ANKS1B: variants seen among roughly 807,000 people sequenced by gnomAD.
The protein encoded by ANKS1B is ankyrin repeat and sterile alpha motif domain-containing protein 1B.
In ANKS1B, 36 loss-of-function variants were observed where a neutral mutation model predicts 148.3. The observed-to-expected ratio is 0.24, with a 90% CI of 0.19 to 0.32. The LOEUF (loss-of-function observed/expected upper bound fraction) is 0.32. ANKS1B is among the 10% of genes least tolerant of loss of function. The pLI, the probability that ANKS1B is intolerant of heterozygous loss-of-function variation, is 1.00. For synonymous variants in ANKS1B, 542 were observed against 560.8 expected, an observed-to-expected ratio of 0.97 and a Z score of 0.47; for missense variants, 1,157 against 1,542.6, an observed-to-expected ratio of 0.75 and a Z score of 4.19.
chr12:99,872,571 A>C (rs536986096), intron 1 of ANKS1B, among the ~76,000 whole-genome samples: 4 of 152,182 alleles, frequency 2.6e-5, no homozygotes, highest in Non-Finnish European at 4.4e-5. Context: ...AACAACAAAA[A>C]CCTGATGTTT....
intron 15 of ANKS1B, among the ~76,000 whole-genome samples, chr12:99,130,450 T>A (rs2153748552): frequency 6.6e-6 from 1 of 152,318 alleles, no homozygotes; most frequent in Non-Finnish European, 1.5e-5. Flanking sequence ...TCAGCCATCC[T>A]TAATTCCTCC....
chr12:99,122,045 C>T (rs2063036139), intron 15 of ANKS1B, among the ~76,000 whole-genome samples: 1 of 152,164 alleles, frequency 6.6e-6, no homozygotes, highest in East Asian at 1.9e-4. Context: ...AGTGGAAATA[C>T]ACTATTTGGA....
At chr12:99,469,400 C>T (rs547945018) in intron 10 of ANKS1B, among the ~76,000 whole-genome samples, 2 of 151,872 alleles carry the variant, frequency 1.3e-5, no homozygotes, top group African/African-American at 4.8e-5. Flanking sequence ...TGTAACTAAT[C>T]TGCACATTGT....
chr12:98,822,508 C>T (rs1385608253), intron 19 of ANKS1B, among the ~76,000 whole-genome samples: 1 of 152,218 alleles, frequency 6.6e-6, no homozygotes, highest in Non-Finnish European at 1.5e-5. Flanking sequence ...AAGCCCAAGG[C>T]ACCACTAAAT....
At chr12:99,468,063 A>G (rs1419086018) in intron 10 of ANKS1B, among the ~76,000 whole-genome samples, 1 of 152,208 alleles carries the variant, frequency 6.6e-6, no homozygotes, top group Non-Finnish European at 1.5e-5. Flanking sequence ...AGTAACCAAA[A>G]CAGCATGGTA....
chr12:99,805,320 C>T (rs1306361319), intron 4 of ANKS1B, among the ~76,000 whole-genome samples: 3 of 97,110 alleles, frequency 3.1e-5, no homozygotes, highest in Non-Finnish European at 6.1e-5. Flanking sequence ...TAACTTAAGA[C>T]AAGATATCAA....
At position 99,463,363 on chromosome 12, in the gene ANKS1B, G is replaced by A. The variant is rs56702677; in HGVS notation, c.1439-19554C>T. On this transcript the variant is annotated intron_variant, in intron 10 of 26. Coordinates refer to ENST00000683438, the MANE Select transcript of ANKS1B (RefSeq NM_001352186.2). ...GTCTACAGCTCCCAGCATGAGTGAC[G>A]CAGAAGACGGGTGATTTCTGCATTT... Among the ~76,000 whole-genome samples, 817 of 152,298 alleles carry A rather than the reference G, an allele frequency of 5.4e-3. 37 individuals are homozygous for A. The East Asian group carries it at 0.12, about 22-fold the overall frequency.
At chr12:99,945,359 A>G (rs2095035343) in intron 1 of ANKS1B, among the ~76,000 whole-genome samples, 1 of 152,110 alleles carries the variant, frequency 6.6e-6, no homozygotes, top group Non-Finnish European at 1.5e-5. Context: ...ACCAGAAAAA[A>G]AAAAAAAAAG....
chr12:99,464,160 C>A (rs911411310), intron 10 of ANKS1B, among the ~76,000 whole-genome samples: 3 of 152,228 alleles, frequency 2.0e-5, no homozygotes, highest in Non-Finnish European at 4.4e-5. Flanking sequence ...GCAGTCACTG[C>A]TGCTGATACC....
At chr12:99,336,696 TG>T (rs1208858496) in intron 12 of ANKS1B, among the ~76,000 whole-genome samples, 1 of 152,166 alleles carries the variant, frequency 6.6e-6, no homozygotes, top group African/African-American at 2.4e-5. Flanking sequence ...GATTTATTTC[TG>T]GGTTCTCTAT....
At chr12:99,533,251 T>G (rs906804297) in intron 9 of ANKS1B, among the ~76,000 whole-genome samples, 1 of 152,174 alleles carries the variant, frequency 6.6e-6, no homozygotes, top group Non-Finnish European at 1.5e-5. Context: ...ACATCCTTGG[T>G]TAAGTGTATT....
intron 17 of ANKS1B, among the ~76,000 whole-genome samples, chr12:98,967,396 G>T (rs1329263905): frequency 2.0e-5 from 3 of 151,932 alleles, no homozygotes; most frequent in Non-Finnish European, 2.9e-5. Flanking sequence ...CTTCTGTTAT[G>T]ATCTAAGGCC....
At chr12:99,302,142 A>C (rs1185807375) in intron 12 of ANKS1B, among the ~76,000 whole-genome samples, 1 of 152,194 alleles carries the variant, frequency 6.6e-6, no homozygotes, top group Non-Finnish European at 1.5e-5. Flanking sequence ...ATGGGATAAC[A>C]GTACTGATTT....
chr12:99,193,263 C>T (rs981139512), intron 14 of ANKS1B, among the ~76,000 whole-genome samples: 1 of 152,142 alleles, frequency 6.6e-6, no homozygotes, highest in Non-Finnish European at 1.5e-5. Context: ...CTTTTACTTT[C>T]TCCTCCCTTT....
chr12:99,664,957 T>C (rs1183922265), intron 8 of ANKS1B, among the ~76,000 whole-genome samples: 1 of 152,222 alleles, frequency 6.6e-6, no homozygotes, highest in Non-Finnish European at 1.5e-5. Context: ...AGTAGTTTAT[T>C]CCTTTTTAAT....
intron 19 of ANKS1B, among the ~76,000 whole-genome samples, chr12:98,815,201 C>T (rs969285822): frequency 1.3e-5 from 2 of 152,164 alleles, no homozygotes; most frequent in Admixed American, 1.3e-4. Flanking sequence ...TTCCCTTGCC[C>T]CAACATCACC....
At chr12:99,585,942 G>T (rs372294521) in intron 9 of ANKS1B, among the ~76,000 whole-genome samples, 93 of 152,232 alleles carry the variant, frequency 6.1e-4, no homozygotes, top group African/African-American at 1.8e-3. Context: ...TGCCACAGAG[G>T]TCTCTGACAT....
chr12:99,009,592 G>T (rs2099938080), intron 17 of ANKS1B, among the ~76,000 whole-genome samples: 1 of 152,192 alleles, frequency 6.6e-6, no homozygotes, highest in Non-Finnish European at 1.5e-5. Flanking sequence ...CCTGTGGTCA[G>T]GGGCTAAGGA....
At chr12:99,871,248 T>A (rs1387863384) in intron 1 of ANKS1B, among the ~76,000 whole-genome samples, 1 of 152,184 alleles carries the variant, frequency 6.6e-6, no homozygotes, top group African/African-American at 2.4e-5. Flanking sequence ...CTGGGTTCTC[T>A]ATTCTGTCCC....
Sources: gnomAD v4.1 joint callset for allele counts (sites outside exome capture counted in the v4.1 genomes callset) on GRCh38, gnomAD v4.1.1 for gene constraint, MANE v1.5 for transcripts, NCBI Gene and HGNC (gene_info 2026-07-23, HGNC 2026-07-21) for gene names.